Variants in CLEC18C observed in about 807,000 individuals in gnomAD.
CLEC18C encodes the protein C-type lectin domain family 18 member C.
A neutral mutation model predicts 27.2 loss-of-function variants in CLEC18C; 2 were observed. That is an observed-to-expected ratio of 0.07 (90% CI 0.03 to 0.23). The LOEUF (loss-of-function observed/expected upper bound fraction) is 0.23, where lower values mean the gene tolerates loss of function less well. Among genes scored for constraint, CLEC18C ranks in the 10% least tolerant of loss-of-function variants. The pLI is 1.00. For synonymous variants in CLEC18C, 13 were observed against 112.8 expected (o/e 0.12, Z 5.61); for missense variants, 31 against 269.0 (o/e 0.12, Z 6.19).
chr16:70,174,923 C>T lies in CLEC18C; in HGVS notation c.125-24C>T, dbSNP rs376274716. The T allele has an allele frequency of 5.9e-5, 79 of 1,333,702 alleles. 21 individuals carry two copies. Among genetic ancestry groups the T allele is most frequent in the Non-Finnish European group, 7.0e-5 (68 of 977,266 alleles). The allele number at this position is 1,333,702 out of a possible 1,614,324, so 82.6% of individuals were successfully genotyped here. ...TTCAGGTCCCCCCATCCTCGGGCTGCCTGACCTTCTCTCTCCACCCCAGCC... is the reference window on the plus strand; with the variant it reads ...TTCAGGTCCCCCCATCCTCGGGCTGTCTGACCTTCTCTCTCCACCCCAGCC... On this transcript the variant is annotated intron_variant, in intron 2 of 12. Coordinates refer to ENST00000541793, the MANE Select transcript of CLEC18C (RefSeq NM_173619.4).
chr16:70,174,059 AGGCCGGAGCAGGCAGGCATCCCCC>A, intron 1 of CLEC18C, 90 bp from the exon 2 acceptor site: 1 of 585,098 alleles, frequency 1.7e-6, no homozygotes. Context: ...GGCCAGGCCG[AGGCCGGAGCAGGCAGGCATCCCCC>A]GGAGTTGTCT....
Position 70,179,197 on chromosome 16 carries a change from C to G in CLEC18C, c.456+1717C>G, listed in dbSNP as rs951687768. 1.6e-4 allele frequency among the ~76,000 whole-genome samples: 20 copies of G among 126,150 alleles called. 1 individual carries two copies. Among genetic ancestry groups the G allele is most frequent in the Non-Finnish European group, 6.7e-5 (4 of 59,706 alleles). 82.8% of individuals were successfully genotyped at this position (126,150 alleles called of 152,430 possible). ...CCTACAACTAGGTGCTGCCAAAGTGCTTACGCCAACTGTGCAGACCAGCAA... is the reference window on the plus strand; with the variant it reads ...CCTACAACTAGGTGCTGCCAAAGTGGTTACGCCAACTGTGCAGACCAGCAA... On this transcript the variant is annotated intron_variant, in intron 4 of 12. Transcript: ENST00000541793.
In CLEC18C at chr16:70,177,520, G is replaced by T. The variant is rs1350042988; in HGVS notation, c.456+40G>T. 4.9e-6 allele frequency: 7 copies of T among 1,415,030 alleles called. No individual in the cohort carries two copies. In the South Asian group the frequency reaches 8.2e-5, roughly 17 times the overall value. The allele number at this position is 1,415,030 out of a possible 1,614,324, so 87.7% of individuals were successfully genotyped here. On this transcript the variant is annotated intron_variant, in intron 4 of 12. Transcript: ENST00000541793. ...GGTGAGGCCAGCGTGCCAGCTCCCA[G>T]ATACAGACTTCCACTGGTCCATCTC...
intron 3 of CLEC18C, among the ~76,000 whole-genome samples, chr16:70,175,886 C>T (rs112115254): frequency 8.0e-6 from 1 of 125,300 alleles, no homozygotes; most frequent in Admixed American, 8.0e-5. Context: ...TCCTCAGGCT[C>T]AGACCCTGGG....
In CLEC18C at chr16:70,185,933, C is replaced by G. The variant is rs751426675; in HGVS notation, c.1260C>G (p.Asn420Lys). 3.1e-6 allele frequency: 5 copies of G among 1,593,404 alleles called. No homozygotes were observed. In the South Asian group the frequency reaches 5.5e-5, roughly 18 times the overall value. The change falls in exon 12 of 13, where the codon AAC becomes AAG. Residue 420 changes from asparagine to lysine, a missense_variant. Physicochemically the swap from Asn to Lys is moderately conservative, Grantham distance 94 (BLOSUM62 0). Transcript: ENST00000541793. ...ELQASAAFNWNNQRCKTRNRY... is the reference protein window; with the variant it reads ...ELQASAAFNWKNQRCKTRNRY... ...AGGCTTCAGCTGCCTTCAACTGGAA[C>G]AACCAGCGCTGCAAAACCCGAAACC...
At chr16:70,175,578 C>T (rs1272705830) in intron 3 of CLEC18C, among the ~76,000 whole-genome samples, 1 of 127,494 alleles carries the variant, frequency 7.8e-6, no homozygotes, top group Non-Finnish European at 1.5e-5. Flanking sequence ...GTATAGAGTT[C>T]CCCACCAGCC....
chr16:70,186,576 T>A lies in CLEC18C; in HGVS notation c.*56T>A, dbSNP rs1047625357. 11 of 1,353,214 alleles carry A rather than the reference T, an allele frequency of 8.1e-6. 2 individuals carry two copies. The highest frequency in any genetic ancestry group is 2.0e-5 in the Admixed American group (1 of 51,226). 83.8% of individuals were successfully genotyped at this position (1,353,214 alleles called of 1,614,324 possible). Reference sequence around the variant, plus strand: ...TGGGAGCACCGGCTCTGCTTACCTGTCCGCCCACCTGTCTGGAACAAGGGC... The same window carrying A: ...TGGGAGCACCGGCTCTGCTTACCTGACCGCCCACCTGTCTGGAACAAGGGC... On this transcript the variant is annotated 3_prime_UTR_variant, in exon 13 of 13. Transcript: ENST00000541793.
rs1162377248 is a variant in CLEC18C, at chr16:70,185,985, C to A, written c.1303+9C>A. On this transcript the variant is annotated intron_variant, in intron 12 of 12. Transcript: ENST00000541793. ...TTACATCTGCCAGTTTGGTGAGGGA[C>A]TTCCTGAGGCTCCCCTTCTCTGATC... The A allele has an allele frequency of 2.5e-6, 4 of 1,590,250 alleles. 1 individual carries two copies. The African/African-American group carries it at 6.4e-5, about 25-fold the overall frequency.
rs1284924714 is a variant in CLEC18C at position 70,177,690 on chromosome 16, G to A, written c.456+210G>A. On this transcript the variant is annotated intron_variant, in intron 4 of 12. Transcript: ENST00000541793. ...GTGATCTCGGCTCACTGCAACCTCC[G>A]CCTCCTGGACTCAAGTGATTCTTGT... Among the ~76,000 whole-genome samples, 2 of 119,468 alleles carry A rather than the reference G, an allele frequency of 1.7e-5. 1 individual carries two copies. Among genetic ancestry groups the A allele is most frequent in the East Asian group, 4.7e-4 (2 of 4,214 alleles). 78.4% of individuals were successfully genotyped at this position (119,468 alleles called of 152,430 possible).
chr16:70,176,692 G>T (rs1324962740), intron 3 of CLEC18C, among the ~76,000 whole-genome samples: 1 of 123,752 alleles, frequency 8.1e-6, no homozygotes, highest in Admixed American at 8.4e-5. Context: ...TTTCTCCACT[G>T]CACTCCAGCC....
chr16:70,178,548 G>A (rs1365168933), intron 4 of CLEC18C, among the ~76,000 whole-genome samples: 7 of 146,666 alleles, frequency 4.8e-5, no homozygotes, highest in East Asian at 2.0e-4. Flanking sequence ...GTGAGACACC[G>A]CACCCAGCCT....
At chr16:70,176,763 C>T (rs1192203092) in intron 3 of CLEC18C, among the ~76,000 whole-genome samples, 1 of 104,760 alleles carries the variant, frequency 9.5e-6, no homozygotes, top group African/African-American at 4.5e-5. Flanking sequence ...GCGGGGTCAG[C>T]TGTGCGTGGT....
intron 4 of CLEC18C, among the ~76,000 whole-genome samples, chr16:70,179,294 C>G (rs1174498065): frequency 3.6e-5 from 5 of 139,158 alleles, no homozygotes; most frequent in African/African-American, 1.3e-4. Context: ...GAGTCTTGCT[C>G]TGTCGCGCAG....
chr16:70,179,269 T>TTC (rs1968384016), intron 4 of CLEC18C, among the ~76,000 whole-genome samples: 1 of 147,668 alleles, frequency 6.8e-6, no homozygotes, highest in African/African-American at 2.5e-5. Context: ...AATTTTTTTT[T>TTC]TTTTTTTTGA....
intron 4 of CLEC18C, among the ~76,000 whole-genome samples, chr16:70,179,155 AAAG>A (rs1411285706): frequency 9.9e-6 from 1 of 100,782 alleles, no homozygotes; most frequent in Non-Finnish European, 1.9e-5. Context: ...GGCTTAGTAA[AAAG>A]AAGAACATGT....
intron 3 of CLEC18C, among the ~76,000 whole-genome samples, chr16:70,176,746 G>A (rs1164231223): frequency 9.2e-6 from 1 of 108,270 alleles, no homozygotes; most frequent in Non-Finnish European, 1.9e-5. Context: ...AAAAGAAGAG[G>A]GAGGGGGCGG....
Position 70,174,960 on chromosome 16 carries a change from GGA to G in CLEC18C, c.142_143del (p.Ser48PhefsTer20). On this transcript the variant is annotated frameshift_variant, in exon 3 of 13. Coordinates refer to ENST00000541793, the MANE Select transcript of CLEC18C (RefSeq NM_173619.4). LOFTEE classifies it high-confidence loss of function. ...APMAGALNRK[E>X]SFLLLSLHNR... The stretch of plus-strand genomic sequence containing the variant: ...TCTCCACCCCAGCCCTGAACAGGAA[GGA>G]GAGTTTCTTGCTCCTCTCCCTGCAC... 1.5e-6 allele frequency: 2 copies of G among 1,332,356 alleles called. No individual in the cohort carries two copies. Among genetic ancestry groups the G allele is most frequent in the Non-Finnish European group, 2.0e-6 (2 of 978,350 alleles). The allele number at this position is 1,332,356 out of a possible 1,614,324, so 82.5% of individuals were successfully genotyped here.
rs552566739 is a variant in CLEC18C at position 70,176,616 on chromosome 16, C to T, written c.217-625C>T. Among the ~76,000 whole-genome samples, 39 of 148,516 alleles carry T rather than the reference C, an allele frequency of 2.6e-4. 1 individual carries two copies. In the East Asian group the frequency reaches 7.7e-3, roughly 30 times the overall value. ...TGGTGTCACATGGCTGTAATCCCAG[C>T]TGCTTGGGAGGCTGAGGCAGGAGAA... On this transcript the variant is annotated intron_variant, in intron 3 of 12. Transcript: ENST00000541793.
chr16:70,179,338 C>T (rs1968387755), intron 4 of CLEC18C, among the ~76,000 whole-genome samples: 1 of 127,474 alleles, frequency 7.8e-6, no homozygotes, highest in Non-Finnish European at 1.7e-5. Context: ...CGGCTCACTG[C>T]AAGCTCCGCC....
Sources: allele counts gnomAD v4.1 joint callset (sites outside exome capture counted in the v4.1 genomes callset), GRCh38; gene constraint gnomAD v4.1.1; transcripts MANE v1.5; gene names NCBI Gene and HGNC (gene_info 2026-07-23, HGNC 2026-07-21).